The following HS2ST1 variants were observed in gnomAD, a reference collection of about 807,000 sequenced individuals.
HS2ST1 encodes heparan sulfate 2-O-sulfotransferase 1, also known as 2-O-sulfotransferase.
Under a neutral mutation model 42.9 loss-of-function variants are expected in HS2ST1, and 18 were observed. That is an observed-to-expected ratio of 0.42 (90% CI 0.29 to 0.62). HS2ST1 has a LOEUF of 0.62. HS2ST1 is among the 20% of genes least tolerant of loss of function. HS2ST1 has a pLI of 0.21. For missense variants in HS2ST1, 334 were observed against 433.8 expected, an observed-to-expected ratio of 0.77 and a Z score of 2.04; for synonymous variants, 146 against 152.9, an observed-to-expected ratio of 0.95 and a Z score of 0.33.
chr1:87,001,796 A>G (rs1649293780), intron 1 of HS2ST1, among the ~76,000 whole-genome samples: 1 of 151,760 alleles, frequency 6.6e-6, no homozygotes, highest in South Asian at 2.1e-4. Context: ...TATATTTAGT[A>G]GAGACCAGGT....
intron 1 of HS2ST1, among the ~76,000 whole-genome samples, chr1:86,915,466 G>T (rs1660127442): frequency 6.6e-6 from 1 of 152,202 alleles, no homozygotes; most frequent in East Asian, 1.9e-4. Flanking sequence ...CGAACTCAGT[G>T]GGGAGCGTGT....
intron 1 of HS2ST1, among the ~76,000 whole-genome samples, chr1:86,981,625 A>C (rs1648593026): frequency 6.6e-6 from 1 of 152,210 alleles, no homozygotes; most frequent in African/African-American, 2.4e-5. Context: ...TAAAGCTCCA[A>C]AATCTCATTT....
chr1:86,954,192 T>C (rs904176695), intron 1 of HS2ST1, among the ~76,000 whole-genome samples: 2 of 150,714 alleles, frequency 1.3e-5, no homozygotes, highest in Non-Finnish European at 2.9e-5. Context: ...TCTCTAAAAA[T>C]ACAAAAATCA....
intron 1 of HS2ST1, among the ~76,000 whole-genome samples, chr1:87,055,390 C>T (rs1168243499): frequency 6.6e-6 from 1 of 152,174 alleles, no homozygotes; most frequent in Non-Finnish European, 1.5e-5. Flanking sequence ...CCGTCTTCTA[C>T]TCTTGTCACC....
chr1:86,949,952 A>C (rs1397903228), intron 1 of HS2ST1, among the ~76,000 whole-genome samples: 1 of 152,216 alleles, frequency 6.6e-6, no homozygotes. Flanking sequence ...TTAGGACCCT[A>C]GTTGGCCATT....
At chr1:86,948,473 G>A (rs899102915) in intron 1 of HS2ST1, among the ~76,000 whole-genome samples, 2 of 152,152 alleles carry the variant, frequency 1.3e-5, no homozygotes, top group African/African-American at 2.4e-5. Context: ...TTAAAGCATA[G>A]CGTTCATTCA....
chr1:87,083,567 TATTA>T (rs776060429), intron 2 of HS2ST1, among the ~76,000 whole-genome samples: 57 of 152,308 alleles, frequency 3.7e-4, no homozygotes, highest in East Asian at 7.7e-4. Context: ...TAATTTTTCA[TATTA>T]ATTTTTGTGT....
At chr1:86,927,382 T>G (rs2102160606) in intron 1 of HS2ST1, among the ~76,000 whole-genome samples, 1 of 152,282 alleles carries the variant, frequency 6.6e-6, no homozygotes, top group South Asian at 2.1e-4. Context: ...AGGAGAAGTC[T>G]TTTAAATTGT....
At chr1:86,937,930 T>C (rs1178078020) in intron 1 of HS2ST1, among the ~76,000 whole-genome samples, 1 of 152,210 alleles carries the variant, frequency 6.6e-6, no homozygotes. Context: ...AGATCTTAAC[T>C]ATATAATAAA....
intron 1 of HS2ST1, among the ~76,000 whole-genome samples, chr1:86,922,565 T>C (rs898642761): frequency 6.6e-6 from 1 of 152,054 alleles, no homozygotes; most frequent in African/African-American, 2.4e-5. Flanking sequence ...AAAAAGTCTT[T>C]ATTTGCTATA....
intron 1 of HS2ST1, among the ~76,000 whole-genome samples, chr1:86,971,414 T>C (rs1648231200): frequency 6.6e-6 from 1 of 152,350 alleles, no homozygotes; most frequent in African/African-American, 2.4e-5. Flanking sequence ...TTCTTACTCT[T>C]ATTTTTAATT....
chr1:86,996,550 C>T (rs1649109514), intron 1 of HS2ST1, among the ~76,000 whole-genome samples: 1 of 151,760 alleles, frequency 6.6e-6, no homozygotes, highest in South Asian at 2.1e-4. Context: ...ATGGTCCAGT[C>T]TCATACTGTC....
intron 1 of HS2ST1, among the ~76,000 whole-genome samples, chr1:86,942,722 A>T (rs552073440): frequency 2.1e-4 from 32 of 152,028 alleles, no homozygotes; most frequent in Non-Finnish European, 3.8e-4. Flanking sequence ...CCTTTCCCCT[A>T]CTCCAATCTC....
intron 1 of HS2ST1, among the ~76,000 whole-genome samples, chr1:87,062,335 A>G (rs1470890668): frequency 6.6e-6 from 1 of 151,444 alleles, no homozygotes; most frequent in Non-Finnish European, 1.5e-5. Flanking sequence ...TTTGAGTTTA[A>G]TGTCTTTATA....
At chr1:87,048,096 T>A (rs185737818) in intron 1 of HS2ST1, among the ~76,000 whole-genome samples, 1 of 152,302 alleles carries the variant, frequency 6.6e-6, no homozygotes, top group Admixed American at 6.5e-5. Context: ...TTAATTTTTC[T>A]CAGCAGAGTT....
At chr1:87,022,278 AT>A (rs1395832685) in intron 1 of HS2ST1, among the ~76,000 whole-genome samples, 2 of 152,230 alleles carry the variant, frequency 1.3e-5, no homozygotes, top group African/African-American at 2.4e-5. Flanking sequence ...TATTAGTAAG[AT>A]TTACAAAGCT....
chr1:87,058,596 G>A (rs1651035624), intron 1 of HS2ST1, among the ~76,000 whole-genome samples: 1 of 151,470 alleles, frequency 6.6e-6, no homozygotes, highest in South Asian at 2.1e-4. Context: ...TCCTTCCTGT[G>A]ACTTGAAACA....
intron 5 of HS2ST1, among the ~76,000 whole-genome samples, chr1:87,102,239 G>T (rs1458137643): frequency 6.6e-6 from 1 of 152,052 alleles, no homozygotes; most frequent in African/African-American, 2.4e-5. Context: ...TGTATTTTTA[G>T]TAGAGATGGG....
At chr1:86,917,445 G>A (rs1202095334) in intron 1 of HS2ST1, among the ~76,000 whole-genome samples, 2 of 151,972 alleles carry the variant, frequency 1.3e-5, no homozygotes, top group African/African-American at 4.8e-5. Flanking sequence ...CTTGAACCTG[G>A]GAGGCAGAGA....
Sources: allele counts gnomAD v4.1 joint callset (sites outside exome capture counted in the v4.1 genomes callset), GRCh38; gene constraint gnomAD v4.1.1; transcripts MANE v1.5; gene names NCBI Gene and HGNC (gene_info 2026-07-23, HGNC 2026-07-21).